FICD: variants seen among roughly 807,000 people sequenced by gnomAD.
FICD encodes the protein protein adenylyltransferase FICD.
Under a neutral mutation model 28.0 loss-of-function variants are expected in FICD, and 13 were observed. The ratio of observed to expected loss-of-function variants is 0.46; its 90% confidence interval spans 0.30 to 0.74. The LOEUF is 0.74. Among genes scored for constraint, FICD ranks in the 30% least tolerant of loss-of-function variants. FICD has a pLI of 0.07. For missense variants in FICD, 576 were observed against 624.5 expected (o/e 0.92, Z 0.83); for synonymous variants, 268 against 266.4 (o/e 1.01, Z -0.06).
chr12:108,519,482 A>G lies in FICD; in HGVS notation c.*7A>G. 1.9e-6 allele frequency: 3 copies of G among 1,585,180 alleles called. No homozygotes were observed. Among genetic ancestry groups the G allele is most frequent in the Non-Finnish European group, 2.6e-6 (3 of 1,160,164 alleles). On this transcript the variant is annotated 3_prime_UTR_variant, in exon 3 of 3. Transcript: ENST00000552695. This position sits in a 1 kb window ranked among gnomAD's most constrained non-coding sequence, Gnocchi z 4.5. ...GCTTCCTGTGAAGCCCTAACCCTAG[A>G]AATCCTCAGTGACAAAGGCTGTCCT...
In FICD at chr12:108,519,736, G is replaced by A. The variant is rs535338639; in HGVS notation, c.*261G>A. Reference sequence around the variant, plus strand: ...TGTCTGCTGTGTCTTGCTGGTGGCCGTGCTTTAGGGGCAACAGTGCCACCA... The same window carrying A: ...TGTCTGCTGTGTCTTGCTGGTGGCCATGCTTTAGGGGCAACAGTGCCACCA... On this transcript the variant is annotated 3_prime_UTR_variant, in exon 3 of 3. Coordinates refer to ENST00000552695, the MANE Select transcript of FICD (RefSeq NM_007076.3). This position sits in a 1 kb window ranked among gnomAD's most constrained non-coding sequence, Gnocchi z 4.5. The A allele has an allele frequency of 3.5e-4, 127 of 358,648 alleles. 1 individual carries two copies. Among genetic ancestry groups the A allele is most frequent in the South Asian group, 3.4e-3 (63 of 18,422 alleles). 22.2% of individuals were successfully genotyped at this position (358,648 alleles called of 1,614,324 possible).
chr12:108,515,817 CTG>C (rs1284538928), intron 1 of FICD, among the ~76,000 whole-genome samples: 4 of 152,224 alleles, frequency 2.6e-5, no homozygotes, highest in African/African-American at 9.6e-5. Context: ...TGCACAGGCC[CTG>C]CTTAGTAATA....
chr12:108,517,536 G>T (rs977960797), intron 2 of FICD: 3 of 416,344 alleles, frequency 7.2e-6, no homozygotes, highest in Admixed American at 4.0e-5. Flanking sequence ...GTCATCCAGG[G>T]TGAAGGGCAT....
At position 108,518,807 on chromosome 12, in the gene FICD, A is replaced by G. The variant is rs1872004200; in HGVS notation, c.709A>G (p.Thr237Ala). The G allele has an allele frequency of 6.2e-7, 1 of 1,614,060 alleles. No individual in the cohort carries two copies. The highest frequency in any genetic ancestry group is 1.7e-5 in the Admixed American group (1 of 60,024). Residue 237 changes from threonine to alanine, a missense_variant, in exon 3 of 3, where the codon ACC (threonine) becomes GCC (alanine). By Grantham distance (58) the Thr-to-Ala change is moderately conservative. Coordinates refer to ENST00000552695, the MANE Select transcript of FICD (RefSeq NM_007076.3). This position sits in a 1 kb window ranked among gnomAD's most constrained non-coding sequence, Gnocchi z 4.4. ...CCACACAGTGGCCATCGAGGGCAAC[A>G]CCCTCACCCTCTCGGAAATCAGGCA... Reference protein sequence around the residue: ...IYHTVAIEGNTLTLSEIRHIL... With the variant: ...IYHTVAIEGNALTLSEIRHIL...
chr12:108,518,557 C>G lies in FICD; in HGVS notation c.459C>G (p.Asp153Glu), dbSNP rs988080196. 1 of 1,614,220 alleles carries G rather than the reference C, an allele frequency of 6.2e-7. No homozygotes were observed. Among genetic ancestry groups the G allele is most frequent in the Non-Finnish European group, 8.5e-7 (1 of 1,180,038 alleles). ...AGTTTGGCATCTTCTCGGAAGAAGACAAGGACATCATCCAGGCGGACTACT... is the reference window on the plus strand; with the variant it reads ...AGTTTGGCATCTTCTCGGAAGAAGAGAAGGACATCATCCAGGCGGACTACT... ...LTEFGIFSEE[D>E]KDIIQADYLY... Residue 153 changes from aspartate to glutamate, a missense_variant, in exon 3 of 3, where the codon GAC becomes GAG. Coordinates refer to ENST00000552695, the MANE Select transcript of FICD (RefSeq NM_007076.3). This position sits in a 1 kb window ranked among gnomAD's most constrained non-coding sequence, Gnocchi z 4.4.
rs777654791 is a variant in FICD, at chr12:108,519,273, G to A, written c.1175G>A (p.Arg392His). The change falls in exon 3 of 3, where the codon CGC becomes CAC. Residue 392 changes from arginine to histidine, a missense_variant. Transcript: ENST00000552695. The surrounding 1 kb of genome is among the most constrained non-coding windows in gnomAD (Gnocchi z 4.5). ...GCGGGCTACCCGCCCATCACCATCC[G>A]CAAGGAGCAGCGGTCCGACTACTAC... ...MQAGYPPITI[R>H]KEQRSDYYHV... 45 of 1,614,106 alleles carry A rather than the reference G, an allele frequency of 2.8e-5. No individual in the cohort carries two copies. The highest frequency in any genetic ancestry group is 2.0e-4 in the South Asian group (18 of 91,092).
chr12:108,518,314 C>A lies in FICD; in HGVS notation c.302-86C>A. On this transcript the variant is annotated intron_variant, in intron 2 of 2. Transcript: ENST00000552695. This position sits in a 1 kb window ranked among gnomAD's most constrained non-coding sequence, Gnocchi z 4.4. ...ACAGGCTGGTCATCATGGTTTCCTGCGGAGACCAGCACAGGGGACAGCCCC... is the reference window on the plus strand; with the variant it reads ...ACAGGCTGGTCATCATGGTTTCCTGAGGAGACCAGCACAGGGGACAGCCCC... The A allele has an allele frequency of 1.8e-6, 2 of 1,128,154 alleles. No homozygotes were observed. The highest frequency in any genetic ancestry group is 2.6e-6 in the Non-Finnish European group (2 of 757,490). 69.9% of individuals were successfully genotyped at this position (1,128,154 alleles called of 1,614,324 possible).
At position 108,518,968 on chromosome 12, in the gene FICD, G is replaced by C. The variant is rs772998131; in HGVS notation, c.870G>C (p.Val290=). The C allele has an allele frequency of 1.2e-6, 2 of 1,614,224 alleles. No individual in the cohort carries two copies. Among genetic ancestry groups the C allele is most frequent in the Non-Finnish European group, 1.7e-6 (2 of 1,180,046 alleles). Residue 290 remains valine (V), a synonymous_variant, in exon 3 of 3, where the codon GTG becomes GTC. Transcript: ENST00000552695. This position sits in a 1 kb window ranked among gnomAD's most constrained non-coding sequence, Gnocchi z 4.4. ...SRIGSVTISD[V]LEIHRRVLGY... ...TCGGCTCCGTCACCATCAGCGACGT[G>C]CTGGAGATCCACAGGCGGGTGCTGG...
In FICD at chr12:108,519,097, G is replaced by GT. The variant is rs1262710610; in HGVS notation, c.1002dup (p.Val335CysfsTer24). 1 of 1,614,112 alleles carries GT rather than the reference G, an allele frequency of 6.2e-7. No individual in the cohort carries two copies. Among genetic ancestry groups the GT allele is most frequent in the African/African-American group, 1.3e-5 (1 of 74,936 alleles). On this transcript the variant is annotated frameshift_variant, in exon 3 of 3. Transcript: ENST00000552695. LOFTEE classifies it high-confidence loss of function. The surrounding 1 kb of genome is among the most constrained non-coding windows in gnomAD (Gnocchi z 4.5). Reference sequence around the variant, plus strand: ...AGGATGTGGAAAAGCAGATGCAGGAGTTTGTACAGTGGCTCAACTCCGAGG... The same window carrying GT: ...AGGATGTGGAAAAGCAGATGCAGGAGTTTTGTACAGTGGCTCAACTCCGAGG...
rs778089175 is a variant in FICD, at chr12:108,517,131, T to C, written c.159T>C (p.Ala53=). Residue 53 remains alanine, a synonymous_variant, in exon 2 of 3, where the codon GCT becomes GCC. Transcript: ENST00000552695. ...GGGCTGTGGAGGAGCAGTGCTTGGC[T>C]GTGCTCAAAGGCCTCTACCTGCTCA... ...PLGAVEEQCL[A]VLKGLYLLRS... 6 of 1,609,518 alleles carry C rather than the reference T, an allele frequency of 3.7e-6. No homozygotes were observed. The South Asian group carries it at 6.6e-5, about 18-fold the overall frequency.
At position 108,517,077 on chromosome 12, in the gene FICD, G is replaced by T. The variant is rs1182672060; in HGVS notation, c.105G>T (p.Gly35=). ...LWVTLLSMVL[G]SLLALLLPLG... ...TGACGCTGCTGAGCATGGTGCTGGG[G>T]TCCCTGCTGGCCCTGCTGCTGCCGC... Residue 35 remains glycine, a synonymous_variant, in exon 2 of 3, where the codon GGG becomes GGT. Coordinates refer to ENST00000552695, the MANE Select transcript of FICD (RefSeq NM_007076.3). The T allele has an allele frequency of 6.2e-7, 1 of 1,609,856 alleles. No individual in the cohort carries two copies. The highest frequency in any genetic ancestry group is 8.5e-7 in the Non-Finnish European group (1 of 1,177,632).
rs774068210 is a variant in FICD, at chr12:108,518,643, G to A, written c.545G>A (p.Arg182Gln). The A allele has an allele frequency of 1.3e-5, 21 of 1,614,054 alleles. No individual in the cohort carries two copies. Among genetic ancestry groups the A allele is most frequent in the Middle Eastern group, 1.6e-4 (1 of 6,084 alleles). Residue 182 changes from arginine to glutamine, a missense_variant, in exon 3 of 3, where the codon CGG becomes CAG. Arg to Gln is a conservative substitution (Grantham distance 43). Coordinates refer to ENST00000552695, the MANE Select transcript of FICD (RefSeq NM_007076.3). The surrounding 1 kb of genome is among the most constrained non-coding windows in gnomAD (Gnocchi z 4.4). ...GAGAAAGCACTGGTCAACCGCGATC[G>A]GACACTGCCTCTTGTGGAAGAGATC... ...YHEKALVNRD[R>Q]TLPLVEEIDQ...
chr12:108,519,263 A>AT lies in FICD; in HGVS notation c.1166dup (p.Thr390HisfsTer34). 1.2e-6 allele frequency: 2 copies of AT among 1,614,246 alleles called. No homozygotes were observed. Among genetic ancestry groups the AT allele is most frequent in the Non-Finnish European group, 1.7e-6 (2 of 1,180,030 alleles). On this transcript the variant is annotated frameshift_variant, in exon 3 of 3. Transcript: ENST00000552695. LOFTEE classifies it high-confidence loss of function. This position sits in a 1 kb window ranked among gnomAD's most constrained non-coding sequence, Gnocchi z 4.5. ...CCTCATGCAGGCGGGCTACCCGCCC[A>AT]TCACCATCCGCAAGGAGCAGCGGTC...
intron 1 of FICD, among the ~76,000 whole-genome samples, chr12:108,516,681 A>AAGTGCTCATTAATTGTTGGACCACAGC (rs1871918355): frequency 6.6e-6 from 1 of 152,204 alleles, no homozygotes; most frequent in Non-Finnish European, 1.5e-5. Flanking sequence ...GGATTATGGC[A>AAGTGCTCATTAATTGTTGGACCACAGC]AGTGCTCATT....
chr12:108,516,686 C>T (rs141086056), intron 1 of FICD, among the ~76,000 whole-genome samples: 114 of 152,312 alleles, frequency 7.5e-4, no homozygotes, highest in Middle Eastern at 3.4e-3. Flanking sequence ...ATGGCAAGTG[C>T]TCATTAATTG....
At position 108,518,416 on chromosome 12, in the gene FICD, C is replaced by T; in HGVS notation, c.318C>T (p.Ala106=). The T allele has an allele frequency of 1.9e-6, 3 of 1,613,928 alleles. No homozygotes were observed. The highest frequency in any genetic ancestry group is 1.7e-6 in the Non-Finnish European group (2 of 1,179,856). ...TKASPAGKLE[A]RAALNQALEM... is the part of the protein sequence containing the mutation. ...CTCTTCCAGCGGGTAAGTTGGAAGC[C>T]AGAGCTGCCCTGAACCAGGCCCTGG... The change falls in exon 3 of 3, where the codon GCC becomes GCT. Residue 106 remains alanine (A), a synonymous_variant. Transcript: ENST00000552695. This position sits in a 1 kb window ranked among gnomAD's most constrained non-coding sequence, Gnocchi z 4.4.
chr12:108,518,469 A>G lies in FICD; in HGVS notation c.371A>G (p.Lys124Arg), dbSNP rs1446515723. 1 of 1,614,140 alleles carries G rather than the reference A, an allele frequency of 6.2e-7. No individual in the cohort carries two copies. Among genetic ancestry groups the G allele is most frequent in the Non-Finnish European group, 8.5e-7 (1 of 1,180,028 alleles). Residue 124 changes from lysine (K) to arginine (R), a missense_variant, in exon 3 of 3, where the codon AAA becomes AGA. Transcript: ENST00000552695. This position sits in a 1 kb window ranked among gnomAD's most constrained non-coding sequence, Gnocchi z 4.4. ...LEMKRQGKRE[K>R]AQKLFMHALK... ...ATGAAGCGCCAGGGCAAGCGGGAAA[A>G]AGCCCAAAAGCTCTTCATGCACGCC...
Position 108,519,414 on chromosome 12 carries a change from C to T in FICD, c.1316C>T (p.Ala439Val), listed in dbSNP as rs1027086321. The change falls in exon 3 of 3, where the codon GCA (alanine) becomes GTA (valine). Residue 439 changes from alanine (A) to valine (V), a missense_variant. Ala to Val is a moderately conservative substitution (Grantham distance 64). Coordinates refer to ENST00000552695, the MANE Select transcript of FICD (RefSeq NM_007076.3). The surrounding 1 kb of genome is among the most constrained non-coding windows in gnomAD (Gnocchi z 4.5). ...LLFATTEYSVALPEAQPNHSG... is the reference protein window; with the variant it reads ...LLFATTEYSVVLPEAQPNHSG... ...TTTGCCACAACTGAGTACTCGGTGG[C>T]ACTGCCAGAAGCCCAACCCAACCAC... 1.2e-6 allele frequency: 2 copies of T among 1,614,060 alleles called. No individual in the cohort carries two copies. The highest frequency in any genetic ancestry group is 1.7e-6 in the Non-Finnish European group (2 of 1,180,016).
In FICD at chr12:108,519,299, C is replaced by G. The variant is rs1239787570; in HGVS notation, c.1201C>G (p.His401Asp). The change falls in exon 3 of 3, where the codon CAC (histidine) becomes GAC (aspartate). Residue 401 changes from histidine to aspartate, a missense_variant. His to Asp is a moderately conservative substitution (Grantham distance 81). Coordinates refer to ENST00000552695, the MANE Select transcript of FICD (RefSeq NM_007076.3). This position sits in a 1 kb window ranked among gnomAD's most constrained non-coding sequence, Gnocchi z 4.5. ...CAAGGAGCAGCGGTCCGACTACTAC[C>G]ACGTGTTGGAAGCTGCCAACGAGGG... ...IRKEQRSDYY[H>D]VLEAANEGDV... 2 of 1,614,238 alleles carry G rather than the reference C, an allele frequency of 1.2e-6. No individual in the cohort carries two copies. Among genetic ancestry groups the G allele is most frequent in the Non-Finnish European group, 1.7e-6 (2 of 1,180,034 alleles).
Sources: gnomAD v4.1 joint callset for allele counts (sites outside exome capture counted in the v4.1 genomes callset) on GRCh38, gnomAD v4.1.1 for gene constraint, Gnocchi (gnomAD v3.1) non-coding constraint, MANE v1.5 for transcripts, NCBI Gene and HGNC (gene_info 2026-07-23, HGNC 2026-07-21) for gene names.